CSMD1: variants seen among roughly 807,000 people sequenced by gnomAD.
CSMD1 encodes the protein CUB and Sushi multiple domains 1, also known as CUB and sushi domain-containing protein 1.
A neutral mutation model predicts 417.5 loss-of-function variants in CSMD1; 213 were observed. The ratio of observed to expected loss-of-function variants is 0.51; its 90% CI spans 0.46 to 0.57. CSMD1 has a LOEUF of 0.57. CSMD1 is among the 20% of genes least tolerant of loss of function. The pLI is 0.00. For synonymous variants in CSMD1, 2,862 were observed against 1,736.8 expected (o/e 1.65, Z -16.11); for missense variants, 6,923 against 4,529.7 (o/e 1.53, Z -15.17).
chr8:4,938,164 T>G (rs74466127), intron 1 of CSMD1, among the ~76,000 whole-genome samples: 3,970 of 152,252 alleles, frequency 0.026, 51 homozygotes, highest in Middle Eastern at 0.085. Context: ...ATAATAGAGT[T>G]GGGGAAATAT....
intron 3 of CSMD1, among the ~76,000 whole-genome samples, chr8:4,298,183 C>T (rs898176086): frequency 3.9e-5 from 6 of 152,030 alleles, no homozygotes; most frequent in Admixed American, 1.3e-4. Flanking sequence ...TTTGAGGAAT[C>T]TGCCTTAGTT....
At chr8:4,759,855 T>C (rs1223511335) in intron 1 of CSMD1, among the ~76,000 whole-genome samples, 1 of 152,254 alleles carries the variant, frequency 6.6e-6, no homozygotes, top group African/African-American at 2.4e-5. Flanking sequence ...CTATTGTGAA[T>C]AGTACTGCAA....
At chr8:3,604,130 T>C (rs75753931) in intron 8 of CSMD1, among the ~76,000 whole-genome samples, 3,220 of 152,276 alleles carry the variant, frequency 0.021, 121 homozygotes, top group African/African-American at 0.074. Flanking sequence ...GGAAACATGA[T>C]AGTGAATAAA....
chr8:3,389,102 T>G (rs1428252988), intron 17 of CSMD1, among the ~76,000 whole-genome samples: 2 of 152,192 alleles, frequency 1.3e-5, no homozygotes, highest in South Asian at 2.1e-4. Flanking sequence ...TGAATGATTT[T>G]TTGTTGTTGT....
chr8:3,021,323 G>A (rs765641597), intron 51 of CSMD1, among the ~76,000 whole-genome samples: 1 of 152,172 alleles, frequency 6.6e-6, no homozygotes, highest in African/African-American at 2.4e-5. Flanking sequence ...TAGAATTTCA[G>A]ACCCAGAGTT....
intron 1 of CSMD1, among the ~76,000 whole-genome samples, chr8:4,739,992 G>A (rs902535322): frequency 6.6e-6 from 1 of 152,126 alleles, no homozygotes; most frequent in Non-Finnish European, 1.5e-5. Context: ...CGCCTGCCCA[G>A]GCATCTTCCT....
chr8:4,966,167 C>T (rs117847014), intron 1 of CSMD1, among the ~76,000 whole-genome samples: 1 of 143,626 alleles, frequency 7.0e-6, no homozygotes, highest in African/African-American at 2.7e-5. Flanking sequence ...AGTTCCAGAC[C>T]AGCTTGGCTA....
chr8:3,755,138 C>T (rs563190103), intron 5 of CSMD1, among the ~76,000 whole-genome samples: 1 of 152,326 alleles, frequency 6.6e-6, no homozygotes, highest in East Asian at 1.9e-4. Flanking sequence ...TATTAAAGCT[C>T]CTGCCCGTTA....
At chr8:3,809,461 G>C (rs937584636) in intron 5 of CSMD1, among the ~76,000 whole-genome samples, 4 of 152,166 alleles carry the variant, frequency 2.6e-5, no homozygotes, top group African/African-American at 4.8e-5. Context: ...CTGGTTCCTG[G>C]GGATAGTTCA....
intron 26 of CSMD1, among the ~76,000 whole-genome samples, chr8:3,252,387 C>T (rs1281787953): frequency 1.3e-5 from 2 of 152,258 alleles, no homozygotes; most frequent in South Asian, 2.1e-4. Context: ...TATGTTGAAC[C>T]AGCCTTGCAT....
intron 21 of CSMD1, among the ~76,000 whole-genome samples, chr8:3,351,462 T>A (rs573405261): frequency 9.2e-5 from 14 of 151,626 alleles, no homozygotes; most frequent in African/African-American, 3.4e-4. Flanking sequence ...AATACAAAAA[T>A]TAGCTAGGCG....
At chr8:3,861,648 A>G (rs896693162) in intron 5 of CSMD1, among the ~76,000 whole-genome samples, 5 of 152,186 alleles carry the variant, frequency 3.3e-5, no homozygotes, top group African/African-American at 1.2e-4. Context: ...TTGGAGATGT[A>G]TATGGCTCTC....
chr8:3,534,765 A>G (rs887666563), intron 10 of CSMD1, among the ~76,000 whole-genome samples: 3 of 152,204 alleles, frequency 2.0e-5, no homozygotes, highest in Non-Finnish European at 4.4e-5. Context: ...GGCATCTTAA[A>G]GCTAAGATTA....
At chr8:3,580,949 A>C (rs7844890) in intron 9 of CSMD1, among the ~76,000 whole-genome samples, 7,347 of 152,290 alleles carry the variant, frequency 0.048, 621 homozygotes, top group African/African-American at 0.16. Flanking sequence ...ACCTCATCTG[A>C]AATTCCAACG....
chr8:4,348,720 G>C (rs1451156359), intron 3 of CSMD1, among the ~76,000 whole-genome samples: 1 of 152,000 alleles, frequency 6.6e-6, no homozygotes. Flanking sequence ...AGGAGAATTT[G>C]ATCTTCGTCT....
intron 23 of CSMD1, among the ~76,000 whole-genome samples, chr8:3,311,385 G>A (rs1300816103): frequency 6.6e-6 from 1 of 152,082 alleles, no homozygotes; most frequent in East Asian, 1.9e-4. Context: ...GAATAGCTGG[G>A]ACTATAAGTG....
At chr8:4,318,413 G>T (rs1425599927) in intron 3 of CSMD1, among the ~76,000 whole-genome samples, 1 of 152,058 alleles carries the variant, frequency 6.6e-6, no homozygotes, top group Admixed American at 6.6e-5. Flanking sequence ...GTTTCTGTGT[G>T]TGTGAGAAAG....
chr8:4,613,526 G>A (rs140427858), intron 2 of CSMD1, among the ~76,000 whole-genome samples: 222 of 152,286 alleles, frequency 1.5e-3, no homozygotes, highest in Admixed American at 5.4e-3. Flanking sequence ...ATCAGAGACC[G>A]CAACTGTAAG....
At chr8:4,856,962 C>T (rs1392690508) in intron 1 of CSMD1, among the ~76,000 whole-genome samples, 2 of 151,710 alleles carry the variant, frequency 1.3e-5, no homozygotes, top group Non-Finnish European at 2.9e-5. Context: ...ACAGAATATA[C>T]ATTTTTTTCA....
Sources: allele counts gnomAD v4.1 joint callset (sites outside exome capture counted in the v4.1 genomes callset), GRCh38; gene constraint gnomAD v4.1.1; transcripts MANE v1.5; gene names NCBI Gene and HGNC (gene_info 2026-07-23, HGNC 2026-07-21).